Variants in FER observed in about 807,000 individuals in gnomAD.
FER encodes FER tyrosine kinase, also known as tyrosine-protein kinase Fer.
FER carries 63 observed loss-of-function variants against 111.0 expected under a neutral mutation model. The observed-to-expected ratio is 0.57, with a 90% CI of 0.46 to 0.70. The LOEUF (loss-of-function observed/expected upper bound fraction) is 0.70, where lower values mean the gene tolerates loss of function less well. Among genes scored for constraint, FER ranks in the 30% least tolerant of loss-of-function variants. The probability of loss-of-function intolerance (pLI) is 0.00; values close to 1 mark genes in which losing one functional copy is unlikely to be tolerated. For missense variants in FER, 914 were observed against 954.0 expected (o/e 0.96, Z 0.55); for synonymous variants, 327 against 313.9 (o/e 1.04, Z -0.44).
chr5:109,000,431 G>T (rs4404726), intron 13 of FER, among the ~76,000 whole-genome samples: 41,043 of 151,460 alleles, frequency 0.27, 5,993 homozygotes, highest in African/African-American at 0.39. Flanking sequence ...AATATTTATC[G>T]CTAAAGATGT....
At chr5:108,945,230 CT>C (rs1756820683) in intron 10 of FER, among the ~76,000 whole-genome samples, 1 of 152,108 alleles carries the variant, frequency 6.6e-6, no homozygotes, top group African/African-American at 2.4e-5. Flanking sequence ...ATCTCTTGTT[CT>C]TTTGTCTGCT....
At chr5:109,084,563 A>G (rs1308059321) in intron 16 of FER, among the ~76,000 whole-genome samples, 1 of 151,874 alleles carries the variant, frequency 6.6e-6, no homozygotes, top group African/African-American at 2.4e-5. Context: ...TATTTGTGTA[A>G]TGATATATTT....
chr5:108,881,584 A>G (rs1765680208), intron 8 of FER, among the ~76,000 whole-genome samples: 1 of 152,194 alleles, frequency 6.6e-6, no homozygotes, highest in South Asian at 2.1e-4. Context: ...TGGCTGAAAC[A>G]ACAGAAATGA....
chr5:108,879,621 G>GTT (rs146018612), intron 8 of FER, among the ~76,000 whole-genome samples: 102 of 143,848 alleles, frequency 7.1e-4, no homozygotes, highest in African/African-American at 2.1e-3. Context: ...CACATTACAG[G>GTT]TTTTTTTTTA....
At chr5:108,945,787 T>C (rs1332826347) in intron 10 of FER, among the ~76,000 whole-genome samples, 1 of 152,116 alleles carries the variant, frequency 6.6e-6, no homozygotes, top group African/African-American at 2.4e-5. Context: ...AGGTTCCTTA[T>C]AGCTTGTGTT....
At chr5:108,802,896 A>T (rs1036659925) in intron 3 of FER, among the ~76,000 whole-genome samples, 1 of 152,056 alleles carries the variant, frequency 6.6e-6, no homozygotes, top group Non-Finnish European at 1.5e-5. Flanking sequence ...GTTCTGTTTT[A>T]ATTTCTTTGA....
chr5:109,182,401 T>C (rs1562001467), intron 18 of FER, among the ~76,000 whole-genome samples: 1 of 152,182 alleles, frequency 6.6e-6, no homozygotes, highest in Non-Finnish European at 1.5e-5. Flanking sequence ...CACTATTCCT[T>C]AGAATCTAGA....
intron 11 of FER, among the ~76,000 whole-genome samples, chr5:108,947,334 A>G (rs1757120349): frequency 6.6e-6 from 1 of 151,890 alleles, no homozygotes; most frequent in Non-Finnish European, 1.5e-5. Flanking sequence ...GAATATTTTG[A>G]TTTCTCCACA....
In FER at chr5:109,193,806, T is replaced by C. The variant is rs2126913732; in HGVS notation, c.*6231T>C. 1 of 152,318 alleles carries C rather than the reference T, an allele frequency of 6.6e-6. No homozygotes were observed. The highest frequency in any genetic ancestry group is 2.1e-4 in the South Asian group (1 of 4,822). 9.4% of individuals were successfully genotyped at this position (152,318 alleles called of 1,614,324 possible). A position where few individuals can be genotyped will look rare whatever the true frequency, so the allele number is the denominator to read the frequency against. On this transcript the variant is annotated 3_prime_UTR_variant, in exon 20 of 20. Coordinates refer to ENST00000281092, the MANE Select transcript of FER (RefSeq NM_005246.4). ...TGTTGTAATTGGTTTCAATCAAAGT[T>C]TCTCCTCAGGTACTTGGGGGCCCCT...
intron 2 of FER, among the ~76,000 whole-genome samples, chr5:108,776,701 T>C (rs1292368328): frequency 6.6e-6 from 1 of 152,198 alleles, no homozygotes; most frequent in Non-Finnish European, 1.5e-5. Context: ...CTTCTGATTT[T>C]AGAAAACAGC....
chr5:108,855,593 C>CG (rs200341860), intron 5 of FER, among the ~76,000 whole-genome samples: 17 of 79,180 alleles, frequency 2.1e-4, no homozygotes, highest in African/African-American at 7.6e-4. Flanking sequence ...TGCACTCCAG[C>CG]GAAAAAAAAA....
chr5:109,004,919 T>TA (rs1160402472), intron 13 of FER, among the ~76,000 whole-genome samples: 2 of 152,096 alleles, frequency 1.3e-5, no homozygotes, highest in Non-Finnish European at 2.9e-5. Context: ...TTGTTTTTTT[T>TA]ATGTTTGTTT....
intron 13 of FER, among the ~76,000 whole-genome samples, chr5:109,023,273 C>T (rs1768183982): frequency 6.6e-6 from 1 of 152,018 alleles, no homozygotes; most frequent in Admixed American, 6.6e-5. Context: ...GTTTGAGAAC[C>T]TGGATGAATA....
At position 108,798,250 on chromosome 5, in the gene FER, G is replaced by A. The variant is rs199698325; in HGVS notation, c.68G>A (p.Arg23Gln). 14 of 1,613,968 alleles carry A rather than the reference G, an allele frequency of 8.7e-6. No individual in the cohort carries two copies. Among genetic ancestry groups the A allele is most frequent in the Admixed American group, 1.7e-5 (1 of 60,008 alleles). ...TTAAAATTGCAAGACTGGGAATTAC[G>A]GTTACTGGAAACAGTAAAGAAATTT... Reference protein sequence around the residue: ...AVLKLQDWELRLLETVKKFMA... With the variant: ...AVLKLQDWELQLLETVKKFMA... The change falls in exon 3 of 20, where the codon CGG becomes CAG. Residue 23 changes from arginine to glutamine, a missense_variant. Transcript: ENST00000281092.
intron 5 of FER, among the ~76,000 whole-genome samples, chr5:108,859,887 A>G (rs1763339929): frequency 6.6e-6 from 1 of 150,948 alleles, no homozygotes; most frequent in Non-Finnish European, 1.5e-5. Flanking sequence ...TTATGCCAGG[A>G]AATTTATTAA....
chr5:108,805,636 A>T (rs1369495707), intron 3 of FER, among the ~76,000 whole-genome samples: 2 of 152,182 alleles, frequency 1.3e-5, no homozygotes, highest in Non-Finnish European at 2.9e-5. Flanking sequence ...AGAGATGAGG[A>T]ACTTGTTGTG....
chr5:108,912,536 A>T (rs991397007), intron 10 of FER, among the ~76,000 whole-genome samples: 1 of 151,988 alleles, frequency 6.6e-6, no homozygotes, highest in East Asian at 1.9e-4. Context: ...TAATTTTTGT[A>T]TTTTTAGTAG....
At chr5:108,770,013 A>T (rs922115728) in intron 2 of FER, among the ~76,000 whole-genome samples, 1 of 152,140 alleles carries the variant, frequency 6.6e-6, no homozygotes, top group African/African-American at 2.4e-5. Context: ...CAATGGCACA[A>T]TCTCGATTCA....
At position 108,985,339 on chromosome 5, in the gene FER, GTTCT is replaced by G. The variant is rs1028269944; in HGVS notation, c.1656+25993_1656+25996del. On this transcript the variant is annotated intron_variant, in intron 13 of 19. Transcript: ENST00000281092. ...TTTACAGTAAATAGTAATATAAATT[GTTCT>G]ACTCTTTGACCTTTTAATATTTTTG... Among the ~76,000 whole-genome samples the G allele has an allele frequency of 4.4e-4, 67 of 152,120 alleles. 1 individual carries two copies. The highest frequency in any genetic ancestry group is 1.5e-3 in the African/African-American group (62 of 41,520).
Sources: gnomAD v4.1 joint callset for allele counts (sites outside exome capture counted in the v4.1 genomes callset) on GRCh38, gnomAD v4.1.1 for gene constraint, MANE v1.5 for transcripts, NCBI Gene and HGNC (gene_info 2026-07-23, HGNC 2026-07-21) for gene names.